The following GPC5 variants were observed in gnomAD, a reference collection of about 807,000 sequenced individuals.
The protein encoded by GPC5 is glypican 5.
A neutral mutation model predicts 53.9 loss-of-function variants in GPC5; 47 were observed. The observed-to-expected ratio is 0.87, with a 90% CI of 0.69 to 1.11. The LOEUF (loss-of-function observed/expected upper bound fraction) is 1.11, where lower values mean the gene tolerates loss of function less well. GPC5 is among the 50% of genes most tolerant of loss of function. GPC5 has a pLI of 0.00. For synonymous variants in GPC5, 286 were observed against 263.3 expected (o/e 1.09, Z -0.84); for missense variants, 748 against 713.1 (o/e 1.05, Z -0.56).
At chr13:92,814,306 CA>C (rs1877389498) in intron 7 of GPC5, among the ~76,000 whole-genome samples, 1 of 151,802 alleles carries the variant, frequency 6.6e-6, no homozygotes, top group Admixed American at 6.6e-5. Flanking sequence ...TTGGGTTAGG[CA>C]AAGACTTCTT....
chr13:92,589,748 A>G (rs1294390213), intron 7 of GPC5, among the ~76,000 whole-genome samples: 1 of 152,256 alleles, frequency 6.6e-6, no homozygotes, highest in African/African-American at 2.4e-5. Flanking sequence ...TAGTTAAACT[A>G]GAGAGAAGTC....
At chr13:92,581,480 C>T (rs1883366435) in intron 7 of GPC5, among the ~76,000 whole-genome samples, 1 of 152,140 alleles carries the variant, frequency 6.6e-6, no homozygotes, top group African/African-American at 2.4e-5. Context: ...TTGATGAACA[C>T]ATAGGGTGAT....
chr13:92,171,325 A>G (rs2042069180), intron 7 of GPC5, among the ~76,000 whole-genome samples: 2 of 152,172 alleles, frequency 1.3e-5, no homozygotes, highest in Non-Finnish European at 2.9e-5. Flanking sequence ...TTTAGAAAAC[A>G]TGTTGATTAT....
At chr13:91,874,400 T>C (rs1413296359) in intron 5 of GPC5, among the ~76,000 whole-genome samples, 4 of 152,184 alleles carry the variant, frequency 2.6e-5, no homozygotes, top group Admixed American at 2.6e-4. Flanking sequence ...TTTCAATCCA[T>C]TTTTTATTAA....
At chr13:91,669,194 C>CT (rs75424086) in intron 2 of GPC5, among the ~76,000 whole-genome samples, 1 of 152,150 alleles carries the variant, frequency 6.6e-6, no homozygotes, top group East Asian at 1.9e-4. Context: ...CTGTGCCCCC[C>CT]CGACATTAAC....
intron 7 of GPC5, chr13:92,509,992 T>G (rs1362542134): frequency 2.0e-5 from 3 of 152,194 alleles, no homozygotes; most frequent in African/African-American, 7.2e-5. Context: ...TATTTCAGAT[T>G]GTATAAGAGA....
intron 7 of GPC5, among the ~76,000 whole-genome samples, chr13:92,741,979 T>C (rs1351251534): frequency 6.6e-6 from 1 of 152,172 alleles, no homozygotes; most frequent in Admixed American, 6.6e-5. Flanking sequence ...TAATCCAGTC[T>C]ATCATTGTTG....
chr13:91,921,471 A>AAAATG (rs1356063681), intron 6 of GPC5, among the ~76,000 whole-genome samples: 1 of 152,226 alleles, frequency 6.6e-6, no homozygotes, highest in African/African-American at 2.4e-5. Context: ...CACTTGAGAA[A>AAAATG]AAATGAAATA....
At chr13:92,561,276 G>T (rs532534623) in intron 7 of GPC5, among the ~76,000 whole-genome samples, 3 of 151,924 alleles carry the variant, frequency 2.0e-5, no homozygotes, top group Non-Finnish European at 4.4e-5. Flanking sequence ...TAAATATGAA[G>T]AATAACTAAC....
chr13:91,535,322 T>C (rs761792946), intron 2 of GPC5, among the ~76,000 whole-genome samples: 4 of 152,164 alleles, frequency 2.6e-5, no homozygotes, highest in Non-Finnish European at 5.9e-5. Flanking sequence ...AATATATTGG[T>C]CCTCCAGTTG....
chr13:92,172,422 A>T (rs1228138583), intron 7 of GPC5, among the ~76,000 whole-genome samples: 1 of 152,246 alleles, frequency 6.6e-6, no homozygotes, highest in Admixed American at 6.5e-5. Flanking sequence ...TATTAAAAAT[A>T]GCAAATGAAA....
chr13:92,408,100 C>T (rs1013374419), intron 7 of GPC5, among the ~76,000 whole-genome samples: 2 of 152,174 alleles, frequency 1.3e-5, no homozygotes, highest in African/African-American at 2.4e-5. Context: ...ACCTGAGCTC[C>T]GCCTCCTGTC....
chr13:92,776,377 A>G (rs1357681490), intron 7 of GPC5, among the ~76,000 whole-genome samples: 1 of 152,060 alleles, frequency 6.6e-6, no homozygotes, highest in Non-Finnish European at 1.5e-5. Context: ...CCTCTGAATC[A>G]TCTGCTTCCC....
intron 5 of GPC5, among the ~76,000 whole-genome samples, chr13:91,812,780 A>C (rs186976463): frequency 2.0e-5 from 3 of 152,330 alleles, no homozygotes; most frequent in Non-Finnish European, 4.4e-5. Flanking sequence ...CTATATCACC[A>C]ATCACTTAAC....
intron 7 of GPC5, among the ~76,000 whole-genome samples, chr13:92,784,505 G>T (rs1157856181): frequency 6.6e-6 from 1 of 151,926 alleles, no homozygotes; most frequent in East Asian, 1.9e-4. Context: ...GTAATGTATG[G>T]GTTGATAATA....
At chr13:92,090,943 T>G (rs1338724744) in intron 6 of GPC5, among the ~76,000 whole-genome samples, 1 of 152,210 alleles carries the variant, frequency 6.6e-6, no homozygotes, top group East Asian at 1.9e-4. Flanking sequence ...AGACCATAGC[T>G]CTCTGTCTTT....
intron 5 of GPC5, among the ~76,000 whole-genome samples, chr13:91,784,455 T>A (rs887858192): frequency 7.2e-5 from 11 of 152,154 alleles, no homozygotes; most frequent in African/African-American, 2.7e-4. Flanking sequence ...CCGGGCGCAG[T>A]GGCTCACACC....
At chr13:91,956,580 G>C (rs1395712260) in intron 6 of GPC5, among the ~76,000 whole-genome samples, 6 of 152,162 alleles carry the variant, frequency 3.9e-5, no homozygotes, top group Non-Finnish European at 7.3e-5. Context: ...GGAAAGGCAT[G>C]CTAGGCCCAC....
chr13:91,869,564 C>A (rs1358964894), intron 5 of GPC5, among the ~76,000 whole-genome samples: 1 of 152,136 alleles, frequency 6.6e-6, no homozygotes, highest in Non-Finnish European at 1.5e-5. Context: ...TTTTCTCCTA[C>A]ATTATTGCTG....
Sources: allele counts gnomAD v4.1 joint callset (sites outside exome capture counted in the v4.1 genomes callset), GRCh38; gene constraint gnomAD v4.1.1; transcripts MANE v1.5; gene names NCBI Gene and HGNC (gene_info 2026-07-23, HGNC 2026-07-21).